The following GALNT17 variants were observed in gnomAD, a reference collection of about 807,000 sequenced individuals.
GALNT17 encodes the protein UDP-GalNAc:polypeptide N-acetylgalactosaminyltransferase-like 3.
Under a neutral mutation model 63.7 loss-of-function variants are expected in GALNT17, and 29 were observed. The ratio of observed to expected loss-of-function variants is 0.46; its 90% CI spans 0.34 to 0.62. The LOEUF is 0.62. Among genes scored for constraint, GALNT17 ranks in the 20% least tolerant of loss-of-function variants. The pLI is 0.01. For missense variants in GALNT17, 603 were observed against 799.6 expected, an observed-to-expected ratio of 0.75 and a Z score of 2.97; for synonymous variants, 305 against 318.3, an observed-to-expected ratio of 0.96 and a Z score of 0.45.
chr7:71,248,829 G>T (rs1790146480), intron 1 of GALNT17, among the ~76,000 whole-genome samples: 1 of 152,162 alleles, frequency 6.6e-6, no homozygotes, highest in Non-Finnish European at 1.5e-5. Context: ...GAACGTGGAG[G>T]ACTTGTCATA....
At chr7:71,305,700 A>G (rs1791278238) in intron 1 of GALNT17, among the ~76,000 whole-genome samples, 1 of 152,292 alleles carries the variant, frequency 6.6e-6, no homozygotes, top group Non-Finnish European at 1.5e-5. Flanking sequence ...AGGACTTACT[A>G]GGTTGGCGAC....
intron 5 of GALNT17, among the ~76,000 whole-genome samples, chr7:71,555,035 G>A (rs949013897): frequency 6.6e-6 from 1 of 152,158 alleles, no homozygotes; most frequent in Non-Finnish European, 1.5e-5. Flanking sequence ...GGAAGGGGAA[G>A]GGGGAGCCAG....
intron 6 of GALNT17, among the ~76,000 whole-genome samples, chr7:71,647,128 G>A (rs914255494): frequency 6.0e-5 from 9 of 150,172 alleles, no homozygotes; most frequent in East Asian, 3.9e-4. Flanking sequence ...GCAGTGGTGC[G>A]ATCTTGGCTG....
At chr7:71,409,644 C>A (rs1035327213) in intron 3 of GALNT17, among the ~76,000 whole-genome samples, 1 of 152,196 alleles carries the variant, frequency 6.6e-6, no homozygotes, top group African/African-American at 2.4e-5. Flanking sequence ...AAATCCCAAG[C>A]ACTGACACTT....
chr7:71,309,952 G>A (rs1309357271), intron 1 of GALNT17, among the ~76,000 whole-genome samples: 2 of 152,114 alleles, frequency 1.3e-5, no homozygotes, highest in Admixed American at 1.3e-4. Flanking sequence ...TTGAATCATG[G>A]GGGCAGGCCT....
At chr7:71,541,792 G>T (rs1443505595) in intron 5 of GALNT17, among the ~76,000 whole-genome samples, 1 of 152,098 alleles carries the variant, frequency 6.6e-6, no homozygotes, top group Non-Finnish European at 1.5e-5. Context: ...CAAGTTGCAC[G>T]TCTAAAATGA....
intron 9 of GALNT17, among the ~76,000 whole-genome samples, chr7:71,687,389 G>A (rs961391168): frequency 2.6e-5 from 4 of 152,214 alleles, no homozygotes; most frequent in African/African-American, 7.2e-5. Context: ...CGAGCTATTA[G>A]CATGTAGGAG....
intron 10 of GALNT17, among the ~76,000 whole-genome samples, chr7:71,711,646 T>TC (rs1188190131): frequency 1.3e-5 from 2 of 151,264 alleles, no homozygotes; most frequent in East Asian, 3.9e-4. Context: ...TTCTCTTTTT[T>TC]CTCTCTCCCC....
chr7:71,162,346 G>C (rs2116255774), intron 1 of GALNT17, among the ~76,000 whole-genome samples: 1 of 148,126 alleles, frequency 6.8e-6, no homozygotes, highest in Non-Finnish European at 1.5e-5. Flanking sequence ...GAAGGCCTTT[G>C]TTAGAATCTT....
intron 5 of GALNT17, among the ~76,000 whole-genome samples, chr7:71,542,659 G>A (rs1584037289): frequency 7.2e-6 from 1 of 139,024 alleles, no homozygotes; most frequent in African/African-American, 2.8e-5. Flanking sequence ...TGGCATCACT[G>A]TACTCCAGCC....
At chr7:71,350,324 G>A (rs1412576430) in intron 2 of GALNT17, among the ~76,000 whole-genome samples, 1 of 152,050 alleles carries the variant, frequency 6.6e-6, no homozygotes, top group African/African-American at 2.4e-5. Context: ...GCACTATGTT[G>A]GAGGTTGAGG....
At chr7:71,667,616 T>G (rs1222929853) in intron 7 of GALNT17, among the ~76,000 whole-genome samples, 4 of 152,148 alleles carry the variant, frequency 2.6e-5, no homozygotes, top group African/African-American at 9.7e-5. Context: ...TAGCTTGATA[T>G]GAATGTATTA....
intron 6 of GALNT17, among the ~76,000 whole-genome samples, chr7:71,620,507 C>T (rs138125623): frequency 6.6e-6 from 1 of 152,172 alleles, no homozygotes; most frequent in African/African-American, 2.4e-5. Context: ...GTCACAAAAA[C>T]TGTTTTAAAA....
At chr7:71,482,346 TG>T (rs1396659076) in intron 5 of GALNT17, among the ~76,000 whole-genome samples, 5 of 152,066 alleles carry the variant, frequency 3.3e-5, no homozygotes, top group African/African-American at 7.2e-5. Context: ...CACAGGGTTT[TG>T]CCATGTTGGC....
rs374371759 is a variant in GALNT17 at position 71,701,808 on chromosome 7, T to TAC, written c.1501-8952_1501-8951insCA. ...GTATATATATGTGTGTGTGTGTATA[T>TAC]ATATATACACATATATATACACATA... On this transcript the variant is annotated intron_variant, in intron 9 of 10. Transcript: ENST00000333538. 9.1e-4 allele frequency among the ~76,000 whole-genome samples: 92 copies of TAC among 101,374 alleles called. 1 individual carries two copies. The highest frequency in any genetic ancestry group is 2.8e-3 in the East Asian group (4 of 1,422). The allele number at this position is 101,374 out of a possible 152,430, so 66.5% of individuals were successfully genotyped here.
intron 6 of GALNT17, among the ~76,000 whole-genome samples, chr7:71,627,410 C>T (rs753803929): frequency 2.0e-5 from 3 of 152,150 alleles, no homozygotes; most frequent in Non-Finnish European, 4.4e-5. Flanking sequence ...CAGAGACAGA[C>T]CCGGTCTCGA....
In GALNT17 at chr7:71,492,803, G is replaced by A. The variant is rs534372451; in HGVS notation, c.962+71698G>A. ...TCCATCATTATTCCCTTTTCCTTTC[G>A]AAATACATTCTCATGGATCCTTGTC... On this transcript the variant is annotated intron_variant, in intron 5 of 10. Transcript: ENST00000333538. 4.6e-5 allele frequency among the ~76,000 whole-genome samples: 7 copies of A among 152,100 alleles called. No individual in the cohort carries two copies. In the East Asian group the frequency reaches 1.2e-3, roughly 25 times the overall value.
intron 2 of GALNT17, among the ~76,000 whole-genome samples, chr7:71,383,054 A>G (rs928315843): frequency 2.0e-5 from 3 of 152,158 alleles, no homozygotes; most frequent in Admixed American, 6.5e-5. Flanking sequence ...TTTTCTGTCA[A>G]TGAATTGGAC....
chr7:71,183,433 G>A (rs1216204426), intron 1 of GALNT17, among the ~76,000 whole-genome samples: 1 of 152,074 alleles, frequency 6.6e-6, no homozygotes, highest in Non-Finnish European at 1.5e-5. Flanking sequence ...GCATTTTTGA[G>A]GTCAAGGGAC....
Sources: gnomAD v4.1 joint callset for allele counts (sites outside exome capture counted in the v4.1 genomes callset) on GRCh38, gnomAD v4.1.1 for gene constraint, MANE v1.5 for transcripts, NCBI Gene and HGNC (gene_info 2026-07-23, HGNC 2026-07-21) for gene names.